CNEP1R1: variants seen among roughly 807,000 people sequenced by gnomAD.
The protein encoded by CNEP1R1 is CTD nuclear envelope phosphatase 1 regulatory subunit 1, also known as nuclear envelope phosphatase-regulatory subunit 1.
CNEP1R1 carries 10 observed loss-of-function variants against 22.7 expected under a neutral mutation model. The ratio of observed to expected loss-of-function variants is 0.44; its 90% CI spans 0.27 to 0.75. The LOEUF (loss-of-function observed/expected upper bound fraction) is 0.75, where lower values mean the gene tolerates loss of function less well. Ranked by LOEUF, CNEP1R1 falls within the 30% of genes least tolerant of loss-of-function variation. The pLI is 0.17. For synonymous variants in CNEP1R1, 53 were observed against 50.1 expected, an observed-to-expected ratio of 1.06 and a Z score of -0.25; for missense variants, 73 against 151.5, an observed-to-expected ratio of 0.48 and a Z score of 2.72.
intron 1 of CNEP1R1, chr16:50,025,773 C>T (rs959858234): frequency 7.5e-6 from 10 of 1,327,866 alleles, no homozygotes; most frequent in South Asian, 1.2e-5. Context: ...ACCACTCACT[C>T]GGAGCAGCTT....
Position 50,034,196 on chromosome 16 carries a change from A to G in CNEP1R1, c.336+40A>G, listed in dbSNP as rs201536883. 1,519 of 1,421,700 alleles carry G rather than the reference A, an allele frequency of 1.1e-3. 2 individuals carry two copies. The highest frequency in any genetic ancestry group is 1.5e-3 in the Admixed American group (77 of 50,440). 88.1% of individuals were successfully genotyped at this position (1,421,700 alleles called of 1,614,324 possible). ...GGTTAGAAAATTATAGACCTGCATG[A>G]AAACACTGAAATTTTTGGCTTTAGA... On this transcript the variant is annotated intron_variant, in intron 5 of 5. Coordinates refer to ENST00000427478, the MANE Select transcript of CNEP1R1 (RefSeq NM_001281789.2).
intron 5 of CNEP1R1, among the ~76,000 whole-genome samples, chr16:50,034,961 G>A (rs982386250): frequency 6.6e-6 from 1 of 152,114 alleles, no homozygotes; most frequent in African/African-American, 2.4e-5. Flanking sequence ...ATTTTGATAG[G>A]TAGCTTCTAT....
intron 3 of CNEP1R1, among the ~76,000 whole-genome samples, chr16:50,030,517 A>G (rs1471783038): frequency 6.6e-6 from 1 of 152,222 alleles, no homozygotes; most frequent in Non-Finnish European, 1.5e-5. Context: ...TTCATCCCAT[A>G]AAACACTGGA....
chr16:50,031,660 A>G (rs1356503722), intron 3 of CNEP1R1, among the ~76,000 whole-genome samples: 1 of 152,246 alleles, frequency 6.6e-6, no homozygotes, highest in African/African-American at 2.4e-5. Context: ...CTATTCGCCT[A>G]AGGGTTGGCT....
chr16:50,025,226 G>A lies in CNEP1R1; in HGVS notation c.-90G>A, dbSNP rs1484953170. 1 of 1,259,610 alleles carries A rather than the reference G, an allele frequency of 7.9e-7. No individual in the cohort carries two copies. Among genetic ancestry groups the A allele is most frequent in the East Asian group, 3.0e-5 (1 of 33,644 alleles). 78.0% of individuals were successfully genotyped at this position (1,259,610 alleles called of 1,614,324 possible). ...GGGGAGGGGCAGCGGGGAGCGGTTA[G>A]AGGTGGGAGTTGGCGCTGCGGGCCG... On this transcript the variant is annotated 5_prime_UTR_variant, in exon 1 of 6. Coordinates refer to ENST00000427478, the MANE Select transcript of CNEP1R1 (RefSeq NM_001281789.2).
intron 5 of CNEP1R1, among the ~76,000 whole-genome samples, chr16:50,034,909 T>G (rs1288479864): frequency 6.6e-6 from 1 of 152,116 alleles, no homozygotes; most frequent in Non-Finnish European, 1.5e-5. Context: ...TTAAGTAAAT[T>G]AAAAACTATC....
intron 3 of CNEP1R1, among the ~76,000 whole-genome samples, chr16:50,030,766 C>T (rs1229895299): frequency 1.3e-5 from 2 of 152,196 alleles, no homozygotes; most frequent in African/African-American, 2.4e-5. Context: ...TAAGATAACA[C>T]ATATATCAAT....
intron 2 of CNEP1R1, among the ~76,000 whole-genome samples, chr16:50,027,392 C>T (rs2036194564): frequency 6.6e-6 from 1 of 151,572 alleles, no homozygotes; most frequent in African/African-American, 2.4e-5. Context: ...CCTGTAGTCC[C>T]AGCTACTCTG....
intron 2 of CNEP1R1, among the ~76,000 whole-genome samples, chr16:50,027,579 C>G (rs2036197137): frequency 6.6e-6 from 1 of 150,946 alleles, no homozygotes; most frequent in Admixed American, 6.6e-5. Flanking sequence ...GGGAGGATCA[C>G]TTGAGCCCAG....
At chr16:50,030,653 T>G (rs565478495) in intron 3 of CNEP1R1, among the ~76,000 whole-genome samples, 1 of 152,308 alleles carries the variant, frequency 6.6e-6, no homozygotes, top group South Asian at 2.1e-4. Context: ...CACTGATGTA[T>G]AGGCCATGTT....
At chr16:50,026,170 T>C (rs933549419) in intron 1 of CNEP1R1, 4 of 459,926 alleles carry the variant, frequency 8.7e-6, no homozygotes, top group Non-Finnish European at 1.5e-5. Flanking sequence ...TCAGCAAGTT[T>C]TCTTATATGA....
At chr16:50,032,516 T>A (rs2036239747) in intron 3 of CNEP1R1, among the ~76,000 whole-genome samples, 1 of 152,170 alleles carries the variant, frequency 6.6e-6, no homozygotes, top group Non-Finnish European at 1.5e-5. Context: ...AAAACCAAAT[T>A]TGTTTTTTGC....
rs757697295 is a variant in CNEP1R1 at position 50,026,387 on chromosome 16, T to A, written c.26-9T>A. 6.3e-7 allele frequency: 1 copy of A among 1,595,878 alleles called. No individual in the cohort carries two copies. Among genetic ancestry groups the A allele is most frequent in the South Asian group, 1.1e-5 (1 of 88,824 alleles). ...TGGCTAATTAGAAAATTGACATCTT[T>A]ATACCTAGATCTCAAGGCTTTTGAG... is the stretch of plus-strand genomic sequence containing the variant. On this transcript the variant is annotated splice_polypyrimidine_tract_variant and intron_variant, in intron 1 of 5. Transcript: ENST00000427478.
intron 4 of CNEP1R1, among the ~76,000 whole-genome samples, chr16:50,033,756 C>T (rs915153183): frequency 5.4e-5 from 8 of 148,940 alleles, no homozygotes; most frequent in Non-Finnish European, 8.9e-5. Context: ...CCCAGCTACT[C>T]GGGAGGCTGA....
Position 50,025,263 on chromosome 16 carries a change from C to T in CNEP1R1, c.-53C>T, listed in dbSNP as rs879863634. On this transcript the variant is annotated 5_prime_UTR_variant, in exon 1 of 6. Transcript: ENST00000427478. ...GGCGCTGCGGGCCGGGCGGGGGCCG[C>T]GGAAGCTGCGATGCGGACAGGGCAG... 4 of 1,385,556 alleles carry T rather than the reference C, an allele frequency of 2.9e-6. No individual in the cohort carries two copies. The highest frequency in any genetic ancestry group is 3.6e-5 in the Admixed American group (1 of 27,834). The allele number at this position is 1,385,556 out of a possible 1,614,324, so 85.8% of individuals were successfully genotyped here.
At chr16:50,025,702 G>C in intron 1 of CNEP1R1, 1 of 1,613,482 alleles carries the variant, frequency 6.2e-7, no homozygotes, top group South Asian at 1.1e-5. Context: ...AACTGCCAAG[G>C]TTAGGAAGTG....
intron 3 of CNEP1R1, among the ~76,000 whole-genome samples, chr16:50,031,226 CT>C (rs1567411201): frequency 6.6e-6 from 1 of 152,180 alleles, no homozygotes; most frequent in African/African-American, 2.4e-5. Flanking sequence ...TAAGAGAAGG[CT>C]TTTGTCATCA....
intron 3 of CNEP1R1, among the ~76,000 whole-genome samples, chr16:50,032,770 C>T (rs1266294004): frequency 2.6e-5 from 4 of 151,888 alleles, no homozygotes; most frequent in East Asian, 1.9e-4. Context: ...TTTGGGAGGC[C>T]GAGGCGGGCA....
Position 50,025,268 on chromosome 16 carries a change from G to T in CNEP1R1, c.-48G>T. 1 of 1,388,944 alleles carries T rather than the reference G, an allele frequency of 7.2e-7. No individual in the cohort carries two copies. The highest frequency in any genetic ancestry group is 1.7e-5 in the South Asian group (1 of 60,326). 86.0% of individuals were successfully genotyped at this position (1,388,944 alleles called of 1,614,324 possible). ...TGCGGGCCGGGCGGGGGCCGCGGAA[G>T]CTGCGATGCGGACAGGGCAGCGGCG... is the stretch of plus-strand genomic sequence containing the variant. On this transcript the variant is annotated 5_prime_UTR_variant, in exon 1 of 6. Coordinates refer to ENST00000427478, the MANE Select transcript of CNEP1R1 (RefSeq NM_001281789.2).
Sources: gnomAD v4.1 joint callset for allele counts (sites outside exome capture counted in the v4.1 genomes callset) on GRCh38, gnomAD v4.1.1 for gene constraint, MANE v1.5 for transcripts, NCBI Gene and HGNC (gene_info 2026-07-23, HGNC 2026-07-21) for gene names.